Variants in LRP1B observed in about 807,000 individuals in gnomAD.
The protein encoded by LRP1B is low-density lipoprotein receptor-related protein 1B.
Under a neutral mutation model 556.6 loss-of-function variants are expected in LRP1B, and 217 were observed. That is an observed-to-expected ratio of 0.39 (90% CI 0.35 to 0.44). The LOEUF is 0.44. Ranked by LOEUF, LRP1B falls within the 20% of genes least tolerant of loss-of-function variation. LRP1B has a pLI of 1.00. For missense variants in LRP1B, 5,053 were observed against 5,620.8 expected (o/e 0.90, Z 3.23); for synonymous variants, 2,047 against 1,865.8 (o/e 1.10, Z -2.50).
intron 2 of LRP1B, among the ~76,000 whole-genome samples, chr2:141,664,470 G>T (rs975703677): frequency 2.6e-5 from 4 of 152,164 alleles, no homozygotes; most frequent in African/African-American, 4.8e-5. Context: ...CATCATCTCA[G>T]TCCAAGAGCT....
At chr2:141,847,967 A>G (rs997832951) in intron 1 of LRP1B, among the ~76,000 whole-genome samples, 16 of 151,568 alleles carry the variant, frequency 1.1e-4, no homozygotes, top group Non-Finnish European at 2.1e-4. Context: ...TATATATAAT[A>G]TTTACAAAAT....
In LRP1B at chr2:140,289,604, C is replaced by CT. The variant is rs199993173; in HGVS notation, c.12967+8203dup. The stretch of plus-strand genomic sequence containing the variant: ...AATTATTTTCCTCTTATTATTTTTA[C>CT]TTTTTTTTTTAATGAAGGCATAACA... On this transcript the variant is annotated intron_variant, in intron 84 of 90. Transcript: ENST00000389484. Among the ~76,000 whole-genome samples, 1,177 of 143,992 alleles carry CT rather than the reference C, an allele frequency of 8.2e-3. 15 individuals are homozygous for CT. Among genetic ancestry groups the CT allele is most frequent in the African/African-American group, 0.027 (1,063 of 39,504 alleles). The allele number at this position is 143,992 out of a possible 152,430, so 94.5% of individuals were successfully genotyped here.
chr2:140,982,298 C>T (rs1183971843), intron 17 of LRP1B, 22 bp from the exon 18 acceptor site: 1 of 1,510,934 alleles, frequency 6.6e-7, no homozygotes, highest in African/African-American at 1.4e-5. Flanking sequence ...AATTAATAAA[C>T]AAAAAATCAA....
At chr2:140,576,202 T>C (rs1204854302) in intron 43 of LRP1B, among the ~76,000 whole-genome samples, 4 of 152,164 alleles carry the variant, frequency 2.6e-5, no homozygotes, top group African/African-American at 7.2e-5. Flanking sequence ...TTCGTGATAC[T>C]AGCTATATCT....
chr2:141,631,152 G>A (rs1163747220), intron 2 of LRP1B, among the ~76,000 whole-genome samples: 1 of 152,090 alleles, frequency 6.6e-6, no homozygotes, highest in Non-Finnish European at 1.5e-5. Context: ...ATGATGGGAG[G>A]AAGGAGAAAT....
chr2:140,798,083 A>T (rs1339860391), intron 32 of LRP1B, among the ~76,000 whole-genome samples: 1 of 152,008 alleles, frequency 6.6e-6, no homozygotes, highest in African/African-American at 2.4e-5. Context: ...AGTATCTTTC[A>T]CCATCTGATA....
intron 2 of LRP1B, among the ~76,000 whole-genome samples, chr2:141,610,812 C>T (rs77833736): frequency 0.013 from 2,007 of 152,182 alleles, 55 homozygotes; most frequent in African/African-American, 0.045. Context: ...AAGGAAAAAC[C>T]GGAGCATTGA....
At chr2:141,772,100 C>G (rs1207044469) in intron 2 of LRP1B, among the ~76,000 whole-genome samples, 1 of 151,996 alleles carries the variant, frequency 6.6e-6, no homozygotes, top group Non-Finnish European at 1.5e-5. Context: ...ACCACCATGC[C>G]CGGCCGATGA....
rs11902905 is a variant in LRP1B at position 140,966,517 on chromosome 2, A to T, written c.2888-14577T>A. 7.3e-3 allele frequency among the ~76,000 whole-genome samples: 1,113 copies of T among 152,042 alleles called. 10 individuals are homozygous for T. The highest frequency in any genetic ancestry group is 0.023 in the African/African-American group (973 of 41,464). ...GTAGGTTGCCTGTTCACTCTGATGG[A>T]AGTTTCTTTTGCTGTGCAGAAGCTC... On this transcript the variant is annotated intron_variant, in intron 18 of 90. Coordinates refer to ENST00000389484, the MANE Select transcript of LRP1B (RefSeq NM_018557.3).
intron 1 of LRP1B, among the ~76,000 whole-genome samples, chr2:141,977,539 G>A (rs993330712): frequency 7.2e-5 from 11 of 152,122 alleles, no homozygotes; most frequent in Non-Finnish European, 1.5e-4. Context: ...TCCAGCCTGG[G>A]TGACAGAGCA....
chr2:141,792,233 G>C (rs1019298795), intron 2 of LRP1B, among the ~76,000 whole-genome samples: 1 of 151,762 alleles, frequency 6.6e-6, no homozygotes, highest in African/African-American at 2.4e-5. Context: ...GAATAAGAAA[G>C]GATAAACTAA....
intron 2 of LRP1B, among the ~76,000 whole-genome samples, chr2:141,666,857 C>T (rs913520354): frequency 1.3e-5 from 2 of 152,132 alleles, no homozygotes; most frequent in Non-Finnish European, 2.9e-5. Flanking sequence ...AACATGGAAA[C>T]CATTTAACCT....
intron 2 of LRP1B, among the ~76,000 whole-genome samples, chr2:141,521,192 C>A (rs1684517194): frequency 6.6e-6 from 1 of 152,110 alleles, no homozygotes; most frequent in African/African-American, 2.4e-5. Context: ...GTTCTTGGGT[C>A]TGACCCTTTA....
At chr2:141,445,867 C>T (rs375867919) in intron 3 of LRP1B, among the ~76,000 whole-genome samples, 1 of 152,074 alleles carries the variant, frequency 6.6e-6, no homozygotes. Context: ...ATAAGTGCAA[C>T]GTGGTGCTGA....
intron 7 of LRP1B, among the ~76,000 whole-genome samples, chr2:141,141,107 A>C (rs912071494): frequency 1.3e-5 from 2 of 152,162 alleles, no homozygotes; most frequent in African/African-American, 4.8e-5. Context: ...AATTGTAAAA[A>C]TGCATTAATT....
At chr2:140,383,363 A>G (rs1224042638) in intron 67 of LRP1B, among the ~76,000 whole-genome samples, 1 of 151,896 alleles carries the variant, frequency 6.6e-6, no homozygotes, top group African/African-American at 2.4e-5. Context: ...AAATATCTTG[A>G]TAGATTTTAG....
chr2:141,544,368 T>TCC (rs1685454762), intron 2 of LRP1B, among the ~76,000 whole-genome samples: 4 of 109,866 alleles, frequency 3.6e-5, no homozygotes, highest in African/African-American at 1.3e-4. Flanking sequence ...CTTCTTCTTC[T>TCC]TCTTCTTCTT....
chr2:140,697,421 C>CAT (rs1291381226), intron 41 of LRP1B, among the ~76,000 whole-genome samples: 3 of 151,612 alleles, frequency 2.0e-5, no homozygotes, highest in Non-Finnish European at 4.4e-5. Flanking sequence ...TATATATATA[C>CAT]ATATATATGT....
At chr2:142,055,250 A>G (rs1349793916) in intron 1 of LRP1B, among the ~76,000 whole-genome samples, 1 of 152,136 alleles carries the variant, frequency 6.6e-6, no homozygotes, top group Non-Finnish European at 1.5e-5. Context: ...AAGAACAGAC[A>G]GAGAAAACTT....
Sources: allele counts gnomAD v4.1 joint callset (sites outside exome capture counted in the v4.1 genomes callset), GRCh38; gene constraint gnomAD v4.1.1; transcripts MANE v1.5; gene names NCBI Gene and HGNC (gene_info 2026-07-23, HGNC 2026-07-21).